TNS4: variants seen among roughly 807,000 people sequenced by gnomAD.
TNS4 encodes the protein tensin-4.
Under a neutral mutation model 70.4 loss-of-function variants are expected in TNS4, and 46 were observed. The observed-to-expected ratio is 0.65, with a 90% confidence interval of 0.52 to 0.84. The LOEUF is 0.84. TNS4 is among the 40% of genes least tolerant of loss of function. The pLI is 0.00. For missense variants in TNS4, 863 were observed against 907.0 expected, an observed-to-expected ratio of 0.95 and a Z score of 0.62; for synonymous variants, 390 against 366.6, an observed-to-expected ratio of 1.06 and a Z score of -0.73.
intron 1 of TNS4, among the ~76,000 whole-genome samples, chr17:40,500,970 C>G (rs2036207446): frequency 6.6e-6 from 1 of 152,160 alleles, no homozygotes; most frequent in Non-Finnish European, 1.5e-5. Flanking sequence ...CTTTCCATGA[C>G]CTCAGGCAAG....
intron 4 of TNS4, 135 bp from the exon 5 acceptor site, chr17:40,485,142 C>A: frequency 1.4e-6 from 1 of 696,086 alleles, no homozygotes; most frequent in Non-Finnish European, 2.4e-6. Context: ...CAGACCCTAA[C>A]CCCATTGTAT....
intron 9 of TNS4, 116 bp downstream of exon 9, chr17:40,480,584 T>G: frequency 2.0e-6 from 2 of 1,017,422 alleles, no homozygotes; most frequent in Non-Finnish European, 2.7e-6. Context: ...AAAGCTGAGA[T>G]GGGAAACACG....
rs960761015 is a variant in TNS4, at chr17:40,490,065, T to C, written c.440-1096A>G. 4.9e-4 allele frequency among the ~76,000 whole-genome samples: 75 copies of C among 152,330 alleles called. 1 individual carries two copies. The Middle Eastern group carries it at 0.01, about 21-fold the overall frequency. The stretch of plus-strand genomic sequence containing the variant: ...CATTTTAGCGAGGCCACCCAGGGCA[T>C]GTGAATATGCAGTGGAGTCTGAGAA... On this transcript the variant is annotated intron_variant, in intron 2 of 12. Transcript: ENST00000254051.
chr17:40,484,484 C>A lies in TNS4; in HGVS notation c.1501G>T (p.Gly501Cys). 1 of 1,610,068 alleles carries A rather than the reference C, an allele frequency of 6.2e-7. No homozygotes were observed. Among genetic ancestry groups the A allele is most frequent in the Non-Finnish European group, 8.5e-7 (1 of 1,179,970 alleles). ...EVPASAQSRP[G>C]EDSNDLIRHF... Reference sequence around the variant, plus strand: ...AGTGAGCACAGAGACAGACGCATACCTGGTCGACTCTGAGCAGACGCGGGA... The same window carrying A: ...AGTGAGCACAGAGACAGACGCATACATGGTCGACTCTGAGCAGACGCGGGA... Residue 501 changes from glycine (G) to cysteine (C), a missense_variant and splice_region_variant, in exon 6 of 13, where the codon GGT becomes TGT. Coordinates refer to ENST00000254051, the MANE Select transcript of TNS4 (RefSeq NM_032865.6).
At chr17:40,483,273 C>T (rs1367486028) in intron 6 of TNS4, among the ~76,000 whole-genome samples, 1 of 152,046 alleles carries the variant, frequency 6.6e-6, no homozygotes, top group Non-Finnish European at 1.5e-5. Flanking sequence ...GTGGTGTGAT[C>T]ATGGCTCACT....
intron 1 of TNS4, among the ~76,000 whole-genome samples, chr17:40,497,619 C>T (rs2036162113): frequency 6.6e-6 from 1 of 151,746 alleles, no homozygotes; most frequent in African/African-American, 2.4e-5. Flanking sequence ...AACAAATAAA[C>T]AAATAAATAA....
intron 11 of TNS4, 82 bp downstream of exon 11, chr17:40,478,498 C>G (rs2035879133): frequency 1.9e-6 from 3 of 1,578,568 alleles, no homozygotes; most frequent in Non-Finnish European, 2.6e-6. Flanking sequence ...CTCTGGGATC[C>G]CAGGCCCAGA....
chr17:40,493,426 G>T (rs1174283566), intron 2 of TNS4, among the ~76,000 whole-genome samples: 1 of 152,190 alleles, frequency 6.6e-6, no homozygotes, highest in East Asian at 1.9e-4. Context: ...AGGCCAGTGA[G>T]AGATTTGTCA....
chr17:40,483,095 G>A (rs923730815), intron 6 of TNS4, among the ~76,000 whole-genome samples: 8 of 152,132 alleles, frequency 5.3e-5, no homozygotes, highest in South Asian at 2.1e-4. Context: ...GACTACAGGC[G>A]TGCCCCACCA....
chr17:40,478,443 C>T, intron 11 of TNS4, 110 bp from the exon 12 acceptor site: 2 of 1,532,452 alleles, frequency 1.3e-6, no homozygotes, highest in South Asian at 1.2e-5. Context: ...ATGCCCCACC[C>T]TACCCTCATT....
Position 40,496,020 on chromosome 17 carries a change from A to G in TNS4, c.406T>C (p.Ser136Pro). ...TCAGATTCCTCCTTCTTTCTCATTG[A>G]CATGGTGCTCTGGGCCAGCTCAGCC... ...SQAELAQSTM[S>P]MRKKEESEAL... The change falls in exon 2 of 13, where the codon TCA (serine) becomes CCA (proline). Residue 136 changes from serine to proline, a missense_variant. Physicochemically the swap from Ser to Pro is moderately conservative, Grantham distance 74 (BLOSUM62 -1). Coordinates refer to ENST00000254051, the MANE Select transcript of TNS4 (RefSeq NM_032865.6). The G allele has an allele frequency of 6.2e-7, 1 of 1,612,914 alleles. No homozygotes were observed. Among genetic ancestry groups the G allele is most frequent in the South Asian group, 1.1e-5 (1 of 90,872 alleles).
At position 40,478,573 on chromosome 17, in the gene TNS4, AACTT is replaced by A; in HGVS notation, c.1979+3_1979+6del. The stretch of plus-strand genomic sequence containing the variant: ...GCCTTCTTAGTTTGGCCCAGCCTTG[AACTT>A]ACTTCCGTTGCTCAGGGTCCATACC... On this transcript the variant is annotated splice_donor_5th_base_variant and intron_variant, in intron 11 of 12. Coordinates refer to ENST00000254051, the MANE Select transcript of TNS4 (RefSeq NM_032865.6). 3 of 1,614,030 alleles carry A rather than the reference AACTT, an allele frequency of 1.9e-6. No individual in the cohort carries two copies. Among genetic ancestry groups the A allele is most frequent in the Non-Finnish European group, 2.5e-6 (3 of 1,179,940 alleles).
At chr17:40,480,352 C>G (rs562854776) in intron 9 of TNS4, among the ~76,000 whole-genome samples, 17 of 152,070 alleles carry the variant, frequency 1.1e-4, no homozygotes, top group Non-Finnish European at 1.2e-4. Context: ...AGACCTGACA[C>G]CCCATAGAGG....
intron 2 of TNS4, among the ~76,000 whole-genome samples, chr17:40,492,855 G>A (rs532222619): frequency 5.3e-5 from 8 of 152,126 alleles, no homozygotes; most frequent in African/African-American, 1.7e-4. Flanking sequence ...GACCAGCCTG[G>A]CCAACATGGT....
intron 8 of TNS4, 137 bp downstream of exon 8, chr17:40,481,992 T>C (rs866446193): frequency 1.1e-6 from 1 of 934,298 alleles, no homozygotes; most frequent in Non-Finnish European, 1.6e-6. Flanking sequence ...GAGGTGGAGA[T>C]GTTGAGCGAC....
intron 1 of TNS4, among the ~76,000 whole-genome samples, chr17:40,499,141 C>G (rs1220436809): frequency 6.6e-6 from 1 of 152,180 alleles, no homozygotes; most frequent in Non-Finnish European, 1.5e-5. Flanking sequence ...AAGATCGACC[C>G]CTGACCTAAT....
intron 2 of TNS4, among the ~76,000 whole-genome samples, chr17:40,492,379 T>C (rs2036084413): frequency 6.6e-6 from 1 of 151,758 alleles, no homozygotes; most frequent in Non-Finnish European, 1.5e-5. Context: ...TGGAGTCTTT[T>C]TTTTTTTGAG....
intron 1 of TNS4, among the ~76,000 whole-genome samples, chr17:40,499,225 ACGTAATTACCGGTG>A (rs2036181140): frequency 1.3e-5 from 2 of 151,998 alleles, no homozygotes; most frequent in Non-Finnish European, 2.9e-5. Flanking sequence ...TTTTGTTCCC[ACGTAATTACCGGTG>A]CGTGCAGCCC....
intron 9 of TNS4, 76 bp downstream of exon 9, chr17:40,480,624 G>T: frequency 1.5e-6 from 2 of 1,358,918 alleles, no homozygotes; most frequent in Non-Finnish European, 1.9e-6. Context: ...GCGTGCATGC[G>T]TGCGTGTGTG....
Sources: gnomAD v4.1 joint callset for allele counts (sites outside exome capture counted in the v4.1 genomes callset) on GRCh38, gnomAD v4.1.1 for gene constraint, MANE v1.5 for transcripts, NCBI Gene and HGNC (gene_info 2026-07-23, HGNC 2026-07-21) for gene names.